BMPR1A: variants seen among roughly 807,000 people sequenced by gnomAD.
The protein encoded by BMPR1A is bone morphogenetic protein receptor type 1A.
In BMPR1A, 7 loss-of-function variants were observed where a neutral mutation model predicts 66.0. That is an observed-to-expected ratio of 0.11 (90% CI 0.06 to 0.20). The LOEUF is 0.20. Ranked by LOEUF, BMPR1A falls within the 10% of genes least tolerant of loss-of-function variation. BMPR1A has a pLI of 1.00. For missense variants in BMPR1A, 408 were observed against 669.1 expected, an observed-to-expected ratio of 0.61 and a Z score of 4.31; for synonymous variants, 200 against 229.7, an observed-to-expected ratio of 0.87 and a Z score of 1.17.
At chr10:86,894,771 A>G (rs1843201689) in intron 5 of BMPR1A, among the ~76,000 whole-genome samples, 1 of 152,248 alleles carries the variant, frequency 6.6e-6, no homozygotes, top group African/African-American at 2.4e-5. Flanking sequence ...GTAAGGGCTT[A>G]ATAGATGTTA....
chr10:86,805,458 T>C (rs1277500401), intron 1 of BMPR1A, among the ~76,000 whole-genome samples: 2 of 139,330 alleles, frequency 1.4e-5, no homozygotes, highest in African/African-American at 5.2e-5. Flanking sequence ...CTATTTCAGT[T>C]TCCTTTTTTT....
downstream of BMPR1A, chr10:86,929,087 C>G (rs1311241276): frequency 6.6e-6 from 1 of 151,638 alleles, no homozygotes; most frequent in African/African-American, 2.4e-5. Flanking sequence ...TGCTCAATCC[C>G]CTATTGAATA....
intron 3 of BMPR1A, among the ~76,000 whole-genome samples, chr10:86,876,442 TC>T (rs1211142366): frequency 1.3e-5 from 2 of 152,186 alleles, no homozygotes; most frequent in African/African-American, 4.8e-5. Flanking sequence ...TCAAAATTCC[TC>T]TCTCCTTTAA....
intron 1 of BMPR1A, among the ~76,000 whole-genome samples, chr10:86,832,147 T>C (rs1842276355): frequency 6.6e-6 from 1 of 152,218 alleles, no homozygotes; most frequent in Admixed American, 6.5e-5. Flanking sequence ...CTAATGAATT[T>C]GGACTTCATT....
chr10:86,851,459 T>G (rs1424193774), intron 2 of BMPR1A, among the ~76,000 whole-genome samples: 1 of 152,210 alleles, frequency 6.6e-6, no homozygotes. Flanking sequence ...TCATGTCTCT[T>G]TTATTTACCG....
rs1286126049 is a variant in BMPR1A at position 86,822,053 on chromosome 10, C to T, written c.-267-16812C>T. 5.9e-5 allele frequency among the ~76,000 whole-genome samples: 9 copies of T among 152,236 alleles called. No individual in the cohort carries two copies. The East Asian group carries it at 9.7e-4, about 16-fold the overall frequency. Reference sequence around the variant, plus strand: ...CATGTTCCCAGGCTGGTCTCGAACTCGTGGGCTCAAGCGATCCACCCACCT... The same window carrying T: ...CATGTTCCCAGGCTGGTCTCGAACTTGTGGGCTCAAGCGATCCACCCACCT... On this transcript the variant is annotated intron_variant, in intron 1 of 12. Coordinates refer to ENST00000372037, the MANE Select transcript of BMPR1A (RefSeq NM_004329.3).
intron 1 of BMPR1A, among the ~76,000 whole-genome samples, chr10:86,829,683 T>G (rs1427255118): frequency 6.6e-6 from 1 of 152,210 alleles, no homozygotes; most frequent in Non-Finnish European, 1.5e-5. Flanking sequence ...TATGTGACCT[T>G]TTAAAATTAG....
rs2133655622 is a variant in BMPR1A, at chr10:86,926,999, TTTCACAAAAGTTATTTTAA to T, written c.*3282_*3300del. On this transcript the variant is annotated 3_prime_UTR_variant, in exon 13 of 13. Coordinates refer to ENST00000372037, the MANE Select transcript of BMPR1A (RefSeq NM_004329.3). Reference sequence around the variant, plus strand: ...TTGCATCTGATTTCTTTGGAAATATTTTCACAAAAGTTATTTTAATCAGTATTTTTACATTGCCTTTCCA... The same window carrying T: ...TTGCATCTGATTTCTTTGGAAATATTTCAGTATTTTTACATTGCCTTTCCA... 5.3e-6 allele frequency: 1 copy of T among 187,802 alleles called. No individual in the cohort carries two copies. Among genetic ancestry groups the T allele is most frequent in the South Asian group, 2.0e-4 (1 of 5,120 alleles). The allele number at this position is 187,802 out of a possible 1,614,324, so 11.6% of individuals were successfully genotyped here.
intron 8 of BMPR1A, 88 bp from the exon 9 acceptor site, chr10:86,917,046 T>C (rs986491877): frequency 7.0e-7 from 1 of 1,435,564 alleles, no homozygotes; most frequent in East Asian, 2.4e-5. Flanking sequence ...GGGTACACCA[T>C]GCTTTTTGAT....
At chr10:86,797,068 C>CTTTTTTTTTTTTTTTTTTTTTTTT (rs780930060) in intron 1 of BMPR1A, among the ~76,000 whole-genome samples, 15 of 105,024 alleles carry the variant, frequency 1.4e-4, no homozygotes, top group East Asian at 5.3e-4. Flanking sequence ...CTTTTCTTTT[C>CTTTTTTTTTTTTTTTTTTTTTTTT]TTTTTTTTTT....
chr10:86,847,863 T>G (rs1269614178), intron 2 of BMPR1A, among the ~76,000 whole-genome samples: 3 of 151,960 alleles, frequency 2.0e-5, no homozygotes, highest in Admixed American at 2.0e-4. Flanking sequence ...GTTTCTTAGG[T>G]TATTGGTCTG....
chr10:86,781,235 A>C (rs1841433451), intron 1 of BMPR1A, among the ~76,000 whole-genome samples: 1 of 152,044 alleles, frequency 6.6e-6, no homozygotes, highest in Admixed American at 6.6e-5. Flanking sequence ...GTCTGCTTTT[A>C]TTCTTCTGCA....
intron 8 of BMPR1A, among the ~76,000 whole-genome samples, chr10:86,914,001 T>TA (rs1348998903): frequency 1.3e-5 from 2 of 152,090 alleles, no homozygotes; most frequent in Non-Finnish European, 2.9e-5. Flanking sequence ...TTTCTGGACT[T>TA]ACCGTAAAAC....
intron 5 of BMPR1A, among the ~76,000 whole-genome samples, chr10:86,899,094 T>C (rs1236176328): frequency 6.6e-6 from 1 of 152,228 alleles, no homozygotes; most frequent in Non-Finnish European, 1.5e-5. Context: ...CAAACAGTTC[T>C]TTGCTATTCA....
chr10:86,837,672 T>C lies in BMPR1A; in HGVS notation c.-267-1193T>C, dbSNP rs117381210. 9.1e-3 allele frequency among the ~76,000 whole-genome samples: 1,384 copies of C among 152,354 alleles called. 9 individuals are homozygous for C. The highest frequency in any genetic ancestry group is 0.02 in the Middle Eastern group (6 of 294). ...TCCCTCATTTCTCTGAGCGACAGCC[T>C]GAGAGTTTTATAGTCATATGAGGAC... On this transcript the variant is annotated intron_variant, in intron 1 of 12. Transcript: ENST00000372037.
rs958204676 is a variant in BMPR1A at position 86,892,900 on chromosome 10, A to T, written c.333+671A>T. Among the ~76,000 whole-genome samples the T allele has an allele frequency of 4.6e-5, 7 of 151,902 alleles. No individual in the cohort carries two copies. In the South Asian group the frequency reaches 1.2e-3, roughly 27 times the overall value. ...AAAAAAATTCTTTTTTCTTTTTTTA[A>T]ATTTTAACCGTCTTTGGCTACTGAT... On this transcript the variant is annotated intron_variant, in intron 5 of 12. Coordinates refer to ENST00000372037, the MANE Select transcript of BMPR1A (RefSeq NM_004329.3).
rs1173515018 is a variant in BMPR1A, at chr10:86,927,294, T to G, written c.*3575T>G. The G allele has an allele frequency of 6.2e-5, 12 of 192,520 alleles. 1 individual carries two copies. In the Admixed American group the frequency reaches 7.3e-4, roughly 12 times the overall value. 11.9% of individuals were successfully genotyped at this position (192,520 alleles called of 1,614,324 possible). ...TAAACATACTTCATAGATGTTGTTT[T>G]GAAATGTTTCTAAATATCTAAAATC... On this transcript the variant is annotated 3_prime_UTR_variant, in exon 13 of 13. Transcript: ENST00000372037.
At chr10:86,813,995 T>C (rs1241367075) in intron 1 of BMPR1A, among the ~76,000 whole-genome samples, 1 of 152,240 alleles carries the variant, frequency 6.6e-6, no homozygotes, top group Non-Finnish European at 1.5e-5. Flanking sequence ...TGGTATAATA[T>C]GTTGCTTTGG....
intron 1 of BMPR1A, among the ~76,000 whole-genome samples, chr10:86,757,876 GA>G (rs898559663): frequency 3.3e-5 from 5 of 151,846 alleles, no homozygotes; most frequent in Non-Finnish European, 5.9e-5. Context: ...GAATTAGGAA[GA>G]AAAAAAACCA....
Sources: gnomAD v4.1 joint callset for allele counts (sites outside exome capture counted in the v4.1 genomes callset) on GRCh38, gnomAD v4.1.1 for gene constraint, MANE v1.5 for transcripts, NCBI Gene and HGNC (gene_info 2026-07-23, HGNC 2026-07-21) for gene names.